Variants in CCDC40 observed in about 807,000 individuals in gnomAD.
The protein encoded by CCDC40 is coiled-coil domain-containing protein 40.
CCDC40 carries 104 observed loss-of-function variants against 124.5 expected under a neutral mutation model. That is an observed-to-expected ratio of 0.84 (90% CI 0.71 to 0.98). The LOEUF is 0.98. Among genes scored for constraint, CCDC40 ranks in the 50% least tolerant of loss-of-function variants. The pLI, the probability that CCDC40 is intolerant of heterozygous loss-of-function variation, is 0.00. For missense variants in CCDC40, 1,463 were observed against 1,503.9 expected (o/e 0.97, Z 0.45); for synonymous variants, 580 against 602.9 (o/e 0.96, Z 0.56).
At chr17:80,085,956 C>A in intron 13 of CCDC40, 47 bp from the exon 14 acceptor site, 4 of 1,551,746 alleles carry the variant, frequency 2.6e-6, no homozygotes, top group South Asian at 2.2e-5. Flanking sequence ...AGGCGTGAGT[C>A]ACTGCGCCCA....
intron 10 of CCDC40, chr17:80,067,582 G>T (rs1202973171): frequency 6.5e-7 from 1 of 1,536,074 alleles, no homozygotes; most frequent in South Asian, 1.2e-5. Flanking sequence ...CATTCCGCTG[G>T]GATACTTCTA....
At chr17:80,078,104 G>T (rs1416957421) in intron 10 of CCDC40, among the ~76,000 whole-genome samples, 2 of 152,040 alleles carry the variant, frequency 1.3e-5, no homozygotes, top group African/African-American at 2.4e-5. Flanking sequence ...GGCCAAGGTG[G>T]GCGGATCACG....
intron 7 of CCDC40, among the ~76,000 whole-genome samples, chr17:80,053,097 A>G (rs1446245819): frequency 3.9e-5 from 6 of 152,218 alleles, no homozygotes; most frequent in Admixed American, 2.6e-4. Context: ...CAGTGTCCGA[A>G]AGGGAGATTT....
chr17:80,084,733 A>T lies in CCDC40; in HGVS notation c.1990-10A>T. The T allele has an allele frequency of 6.2e-7, 1 of 1,613,876 alleles. No individual in the cohort carries two copies. The highest frequency in any genetic ancestry group is 1.7e-5 in the Admixed American group (1 of 60,018). On this transcript the variant is annotated splice_polypyrimidine_tract_variant and intron_variant, in intron 12 of 19. Transcript: ENST00000397545. ...GCAATATTCACAGGTATTTCTTTTC[A>T]TCAATTCAGATGACACATCTTTCCA... is the stretch of plus-strand genomic sequence containing the variant.
At chr17:80,077,852 A>G (rs552883257) in intron 10 of CCDC40, among the ~76,000 whole-genome samples, 8 of 152,322 alleles carry the variant, frequency 5.3e-5, no homozygotes, top group Admixed American at 2.6e-4. Context: ...AGTTCTTCAT[A>G]TCTTCTGGAG....
intron 7 of CCDC40, among the ~76,000 whole-genome samples, chr17:80,054,723 C>T (rs1317906119): frequency 1.3e-5 from 2 of 152,136 alleles, no homozygotes; most frequent in Non-Finnish European, 2.9e-5. Flanking sequence ...CCTGTAATCC[C>T]AGCACTTTGG....
At chr17:80,037,688 A>AGATATATATAT (rs1555889124) in intron 1 of CCDC40, among the ~76,000 whole-genome samples, 13 of 45,710 alleles carry the variant, frequency 2.8e-4, no homozygotes, top group African/African-American at 7.1e-4. Flanking sequence ...TTTTTTAAAA[A>AGATATATATAT]AGATATACAT....
chr17:80,064,499 TCGCTCCTGTACCCATGGAGGTGC>T (rs575972337), intron 9 of CCDC40, among the ~76,000 whole-genome samples: 2,248 of 151,964 alleles, frequency 0.015, 54 homozygotes, highest in African/African-American at 0.052. Context: ...AGCCCCGGGG[TCGCTCCTGTACCCATGGAGGTGC>T]CGCTCCTGTA....
At chr17:80,085,408 G>A (rs1257582509) in intron 13 of CCDC40, among the ~76,000 whole-genome samples, 3 of 152,182 alleles carry the variant, frequency 2.0e-5, no homozygotes, top group Non-Finnish European at 4.4e-5. Flanking sequence ...TGCCATATAC[G>A]TCATCCAGGT....
intron 7 of CCDC40, among the ~76,000 whole-genome samples, chr17:80,055,540 T>C (rs1263039690): frequency 2.6e-5 from 4 of 152,134 alleles, no homozygotes; most frequent in Non-Finnish European, 5.9e-5. Flanking sequence ...TTTAAATAAA[T>C]GGAGTGCCCA....
chr17:80,056,016 A>ATTTTTTTT lies in CCDC40; in HGVS notation c.1160-2470_1160-2463dup, dbSNP rs1193599741. ...TATATATATATATATATATATATAT[A>ATTTTTTTT]TTTTTTTTTTTTTTTGGTAGAAACA... On this transcript the variant is annotated intron_variant, in intron 7 of 19. Coordinates refer to ENST00000397545, the MANE Select transcript of CCDC40 (RefSeq NM_017950.4). 4.4e-3 allele frequency among the ~76,000 whole-genome samples: 45 copies of ATTTTTTTT among 10,248 alleles called. 9 individuals carry two copies. Among genetic ancestry groups the ATTTTTTTT allele is most frequent in the African/African-American group, 0.014 (39 of 2,842 alleles). 6.7% of individuals were successfully genotyped at this position (10,248 alleles called of 152,430 possible).
At chr17:80,069,119 C>T (rs1304234837) in intron 10 of CCDC40, among the ~76,000 whole-genome samples, 1 of 152,176 alleles carries the variant, frequency 6.6e-6, no homozygotes, top group Non-Finnish European at 1.5e-5. Context: ...AAGTTAATAC[C>T]TTTGATTAGG....
chr17:80,065,942 G>A, intron 10 of CCDC40: 3 of 613,512 alleles, frequency 4.9e-6, no homozygotes, highest in Non-Finnish European at 8.7e-6. Flanking sequence ...CCTGAGTGCG[G>A]AAACCCCATC....
chr17:80,098,037 C>T (rs2038843830), intron 19 of CCDC40: 1 of 159,508 alleles, frequency 6.3e-6, no homozygotes, highest in Non-Finnish European at 1.4e-5. Context: ...TTGGGGTGAA[C>T]TGAGGGATTG....
intron 1 of CCDC40, 110 bp downstream of exon 1, chr17:80,036,801 C>A: frequency 2.9e-6 from 3 of 1,019,628 alleles, no homozygotes; most frequent in East Asian, 3.2e-5. Flanking sequence ...CGCCTCCACT[C>A]CCCCTTCCTC....
At chr17:80,043,178 G>A (rs1316737709) in intron 3 of CCDC40, among the ~76,000 whole-genome samples, 1 of 152,166 alleles carries the variant, frequency 6.6e-6, no homozygotes, top group African/African-American at 2.4e-5. Context: ...TGGCCAGTGA[G>A]GGCCCATTTA....
chr17:80,051,704 A>G (rs1409917432), intron 7 of CCDC40, among the ~76,000 whole-genome samples: 2 of 151,420 alleles, frequency 1.3e-5, no homozygotes, highest in African/African-American at 4.9e-5. Context: ...AAAACAGTAA[A>G]AGGAAAGAAA....
chr17:80,057,854 C>G (rs949486001), intron 7 of CCDC40, among the ~76,000 whole-genome samples: 2 of 148,950 alleles, frequency 1.3e-5, no homozygotes, highest in Non-Finnish European at 3.0e-5. Context: ...CCAGCCTGGG[C>G]GACAGAGCGA....
chr17:80,074,303 G>T (rs1463783576), intron 10 of CCDC40, among the ~76,000 whole-genome samples: 1 of 152,160 alleles, frequency 6.6e-6, no homozygotes, highest in Non-Finnish European at 1.5e-5. Context: ...GAGGTCAGGA[G>T]ATCAAGACCA....
Sources: gnomAD v4.1 joint callset for allele counts (sites outside exome capture counted in the v4.1 genomes callset) on GRCh38, gnomAD v4.1.1 for gene constraint, MANE v1.5 for transcripts, NCBI Gene and HGNC (gene_info 2026-07-23, HGNC 2026-07-21) for gene names.